The following GAB2 variants were observed in gnomAD, a reference collection of about 807,000 sequenced individuals.
GAB2 encodes the protein GRB2-associated-binding protein 2.
GAB2 carries 26 observed loss-of-function variants against 65.5 expected under a neutral mutation model. The ratio of observed to expected loss-of-function variants is 0.40; its 90% CI spans 0.29 to 0.55. The LOEUF is 0.55. Among genes scored for constraint, GAB2 ranks in the 20% least tolerant of loss-of-function variants. GAB2 has a pLI of 0.53. For synonymous variants in GAB2, 321 were observed against 329.6 expected (o/e 0.97, Z 0.28); for missense variants, 884 against 875.8 (o/e 1.01, Z -0.12).
At chr11:78,342,962 G>T (rs973560920) in intron 1 of GAB2, among the ~76,000 whole-genome samples, 3 of 152,152 alleles carry the variant, frequency 2.0e-5, no homozygotes, top group Non-Finnish European at 4.4e-5. Context: ...GAAAAGTTTA[G>T]TGATTCAGAA....
At chr11:78,306,091 G>A (rs987063849) in intron 1 of GAB2, among the ~76,000 whole-genome samples, 1 of 152,140 alleles carries the variant, frequency 6.6e-6, no homozygotes, top group South Asian at 2.1e-4. Flanking sequence ...CCTATACCTA[G>A]AAATTTAATA....
At chr11:78,258,993 T>A (rs2512534) in intron 2 of GAB2, among the ~76,000 whole-genome samples, 23,808 of 151,978 alleles carry the variant, frequency 0.16, 2,394 homozygotes, top group East Asian at 0.4. Flanking sequence ...TAGTACCCAA[T>A]AGTTATTTTT....
chr11:78,399,494 G>A (rs1053364004), intron 1 of GAB2, among the ~76,000 whole-genome samples: 2 of 152,140 alleles, frequency 1.3e-5, no homozygotes, highest in East Asian at 3.8e-4. Context: ...ATTTCCCAGC[G>A]ACTGGCCAAA....
chr11:78,301,244 T>C (rs1460603746), intron 1 of GAB2, among the ~76,000 whole-genome samples: 3 of 152,158 alleles, frequency 2.0e-5, no homozygotes, highest in Non-Finnish European at 4.4e-5. Context: ...GTCTGTGGCT[T>C]GCCTTTTCTT....
At chr11:78,385,924 T>C (rs1461995759) in intron 1 of GAB2, among the ~76,000 whole-genome samples, 2 of 152,182 alleles carry the variant, frequency 1.3e-5, no homozygotes, top group African/African-American at 2.4e-5. Flanking sequence ...GACTGATACA[T>C]AATTAGTATT....
chr11:78,323,250 C>A (rs1203811480), intron 1 of GAB2, among the ~76,000 whole-genome samples: 1 of 152,150 alleles, frequency 6.6e-6, no homozygotes, highest in African/African-American at 2.4e-5. Flanking sequence ...TGGCTCAGGT[C>A]TGTAATCCCT....
At chr11:78,304,184 T>C (rs574424980) in intron 1 of GAB2, among the ~76,000 whole-genome samples, 7 of 152,136 alleles carry the variant, frequency 4.6e-5, no homozygotes, top group Non-Finnish European at 1.0e-4. Context: ...AACATTCTCC[T>C]ATTATGCTTT....
intron 2 of GAB2, among the ~76,000 whole-genome samples, chr11:78,280,272 C>T (rs1866296535): frequency 6.6e-6 from 1 of 152,174 alleles, no homozygotes; most frequent in African/African-American, 2.4e-5. Flanking sequence ...GGATGGGTGA[C>T]AGATAATGGG....
chr11:78,290,815 T>C (rs1417503529), intron 1 of GAB2, among the ~76,000 whole-genome samples: 4 of 152,194 alleles, frequency 2.6e-5, no homozygotes, highest in Admixed American at 2.6e-4. Flanking sequence ...TTATTTTTTT[T>C]AGAACGTAAG....
intron 1 of GAB2, among the ~76,000 whole-genome samples, chr11:78,309,568 T>C (rs1591024755): frequency 6.6e-6 from 1 of 151,368 alleles, no homozygotes; most frequent in Non-Finnish European, 1.5e-5. Context: ...CTCCCCAGGG[T>C]TGAGGGGATC....
intron 1 of GAB2, among the ~76,000 whole-genome samples, chr11:78,317,553 C>T (rs1329991600): frequency 4.1e-5 from 4 of 97,574 alleles, no homozygotes; most frequent in South Asian, 3.6e-4. Flanking sequence ...TGCGAGACTC[C>T]GTCTCAAAAA....
chr11:78,341,464 G>T (rs1856093655), intron 1 of GAB2, among the ~76,000 whole-genome samples: 1 of 152,162 alleles, frequency 6.6e-6, no homozygotes, highest in Admixed American at 6.5e-5. Flanking sequence ...TAGACCCTGG[G>T]ATTAAGGCTT....
chr11:78,282,851 C>G (rs1866371239), intron 1 of GAB2, among the ~76,000 whole-genome samples: 1 of 152,150 alleles, frequency 6.6e-6, no homozygotes, highest in South Asian at 2.1e-4. Flanking sequence ...CCTTTCATCC[C>G]TGTCCTCTTT....
chr11:78,346,699 ATATATATATATATATATATATAATT>A (rs1339415794), intron 1 of GAB2, among the ~76,000 whole-genome samples: 4 of 94,822 alleles, frequency 4.2e-5, no homozygotes, highest in African/African-American at 2.9e-4. Flanking sequence ...ATATATATAT[ATATATATATATATATATATATAATT>A]TTTTTTTTTT....
chr11:78,378,164 T>C (rs1856654934), intron 1 of GAB2, among the ~76,000 whole-genome samples: 1 of 152,192 alleles, frequency 6.6e-6, no homozygotes, highest in African/African-American at 2.4e-5. Context: ...AGTAAGGACC[T>C]TGCCTTTTAG....
At chr11:78,316,552 T>C (rs1194789474) in intron 1 of GAB2, among the ~76,000 whole-genome samples, 1 of 152,188 alleles carries the variant, frequency 6.6e-6, no homozygotes, top group Non-Finnish European at 1.5e-5. Context: ...GATGCTCATG[T>C]CACTAATCAT....
chr11:78,258,091 C>T (rs544391618), intron 2 of GAB2, among the ~76,000 whole-genome samples: 1 of 152,288 alleles, frequency 6.6e-6, no homozygotes, highest in East Asian at 1.9e-4. Context: ...TCTTCCCAAG[C>T]CTCACTGTCT....
chr11:78,412,830 G>C (rs887525958), intron 1 of GAB2, among the ~76,000 whole-genome samples: 3 of 152,156 alleles, frequency 2.0e-5, no homozygotes, highest in African/African-American at 7.2e-5. Context: ...AAAGATCAAT[G>C]GTCTAAGCAT....
intron 1 of GAB2, among the ~76,000 whole-genome samples, chr11:78,346,972 G>C (rs1856201889): frequency 6.6e-6 from 1 of 151,844 alleles, no homozygotes; most frequent in African/African-American, 2.4e-5. Flanking sequence ...CAGAGAAAGG[G>C]AGGGAAAGCA....
Sources: allele counts gnomAD v4.1 joint callset (sites outside exome capture counted in the v4.1 genomes callset), GRCh38; gene constraint gnomAD v4.1.1; transcripts MANE v1.5; gene names NCBI Gene and HGNC (gene_info 2026-07-23, HGNC 2026-07-21).